The following HSPA4 variants were observed in gnomAD, a reference collection of about 807,000 sequenced individuals.
HSPA4 encodes the protein heat shock protein family A (Hsp70) member 4, also known as heat shock 70 kDa protein 4.
HSPA4 carries 25 observed loss-of-function variants against 106.2 expected under a neutral mutation model. That is an observed-to-expected ratio of 0.24 (90% CI 0.17 to 0.33). HSPA4 has a LOEUF of 0.33. HSPA4 is among the 10% of genes least tolerant of loss of function. HSPA4 has a pLI of 1.00. For synonymous variants in HSPA4, 332 were observed against 333.6 expected, an observed-to-expected ratio of 1.00 and a Z score of 0.05; for missense variants, 841 against 996.0, an observed-to-expected ratio of 0.84 and a Z score of 2.10.
intron 7 of HSPA4, among the ~76,000 whole-genome samples, chr5:133,080,081 T>G (rs1581473354): frequency 6.6e-6 from 1 of 152,132 alleles, no homozygotes; most frequent in South Asian, 2.1e-4. Flanking sequence ...TCACTTGTTC[T>G]TTTTGCTTAG....
At chr5:133,065,711 T>G (rs1344186331) in intron 2 of HSPA4, among the ~76,000 whole-genome samples, 3 of 152,146 alleles carry the variant, frequency 2.0e-5, no homozygotes, top group Non-Finnish European at 4.4e-5. Context: ...AACAAGTTTC[T>G]CAAGGAAGGA....
At chr5:133,063,639 G>A (rs1457186851) in intron 1 of HSPA4, among the ~76,000 whole-genome samples, 1 of 151,988 alleles carries the variant, frequency 6.6e-6, no homozygotes, top group East Asian at 1.9e-4. Context: ...GATCATGTGG[G>A]CGTGGCTGGT....
chr5:133,060,255 C>T (rs543776111), intron 1 of HSPA4, among the ~76,000 whole-genome samples: 1 of 151,962 alleles, frequency 6.6e-6, no homozygotes, highest in Non-Finnish European at 1.5e-5. Flanking sequence ...GACCTATGTT[C>T]TAGTGCTAGC....
At chr5:133,101,729 C>T (rs201813041) in intron 16 of HSPA4, 30 bp from the exon 17 acceptor site, 319 of 1,597,080 alleles carry the variant, frequency 2.0e-4, no homozygotes, top group African/African-American at 2.6e-4. Flanking sequence ...GTTGAACTGC[C>T]GTATGAAGAC....
rs1410253023 is a variant in HSPA4 at position 133,088,451 on chromosome 5, A to G, written c.1033A>G (p.Thr345Ala). ...IYAVEIVGGA[T>A]RIPAVKEKIS... ...TGCAGTGGAGATAGTTGGTGGTGCT[A>G]CACGAATCCCTGCGGTAAAAGAGAA... The change falls in exon 9 of 19, where the codon ACA (threonine) becomes GCA (alanine). Residue 345 changes from threonine (T) to alanine (A), a missense_variant. By Grantham distance (58) the Thr-to-Ala change is moderately conservative. Transcript: ENST00000304858. 6.2e-7 allele frequency: 1 copy of G among 1,612,618 alleles called. No homozygotes were observed. The highest frequency in any genetic ancestry group is 1.3e-5 in the African/African-American group (1 of 74,898).
At chr5:133,093,001 T>G (rs893686587) in intron 13 of HSPA4, among the ~76,000 whole-genome samples, 1 of 141,628 alleles carries the variant, frequency 7.1e-6, no homozygotes, top group Non-Finnish European at 1.5e-5. Context: ...TTTTTTTTTT[T>G]GTATTTTTTA....
At chr5:133,093,577 G>A (rs1188039304) in intron 13 of HSPA4, among the ~76,000 whole-genome samples, 3 of 151,734 alleles carry the variant, frequency 2.0e-5, no homozygotes, top group Non-Finnish European at 4.4e-5. Context: ...TGCAGCCCCC[G>A]CCTTCCAGGT....
chr5:133,074,221 A>G, intron 6 of HSPA4, 95 bp downstream of exon 6: 1 of 733,654 alleles, frequency 1.4e-6, no homozygotes, highest in South Asian at 2.0e-5. Context: ...AATATGGGAG[A>G]AACAATGCAT....
At position 133,103,940 on chromosome 5, in the gene HSPA4, A is replaced by G. The variant is rs749924563; in HGVS notation, c.2233A>G (p.Met745Val). The change falls in exon 18 of 19, where the codon ATG (methionine) becomes GTG (valine). Residue 745 changes from methionine (M) to valine (V), a missense_variant. By Grantham distance (21) the Met-to-Val change is conservative. This residue lies in a region of HSPA4 where 328 missense variants were observed against 372.2 expected (regional missense o/e 0.88). Transcript: ENST00000304858. Reference sequence around the variant, plus strand: ...AAGCACAAATGAAGCAATGGAGTGGATGAATAACAAGCTAAATCTGCAGAA... The same window carrying G: ...AAGCACAAATGAAGCAATGGAGTGGGTGAATAACAAGCTAAATCTGCAGAA... ...EKSTNEAMEW[M>V]NNKLNLQNKQ... 3.1e-6 allele frequency: 5 copies of G among 1,613,918 alleles called. No homozygotes were observed. The highest frequency in any genetic ancestry group is 2.7e-5 in the African/African-American group (2 of 74,920).
In HSPA4 at chr5:133,106,102, ATTTTTTTTTTTTTTTTTTTTTT is replaced by A. The variant is rs70974072; in HGVS notation, c.*1683_*1704del. 5.2e-5 allele frequency: 3 copies of A among 57,162 alleles called. No individual in the cohort carries two copies. The highest frequency in any genetic ancestry group is 2.7e-4 in the Admixed American group (1 of 3,708). The allele number at this position is 57,162 out of a possible 1,614,324, so 3.5% of individuals were successfully genotyped here. A position where few individuals can be genotyped will look rare whatever the true frequency, so the allele number is the denominator to read the frequency against. The stretch of plus-strand genomic sequence containing the variant: ...GCCATTTCTTCTTAAAAAAAAAAAA[ATTTTTTTTTTTTTTTTTTTTTT>A]TTTTTTTTTTTTTTTTGGTGTGTGT... On this transcript the variant is annotated 3_prime_UTR_variant, in exon 19 of 19. Coordinates refer to ENST00000304858, the MANE Select transcript of HSPA4 (RefSeq NM_002154.4).
chr5:133,069,753 T>C (rs1021008471), intron 3 of HSPA4, among the ~76,000 whole-genome samples: 1 of 152,182 alleles, frequency 6.6e-6, no homozygotes, highest in Non-Finnish European at 1.5e-5. Context: ...GCAGCCTCTT[T>C]ATGGAGGGAC....
intron 1 of HSPA4, among the ~76,000 whole-genome samples, chr5:133,064,612 A>G (rs980019191): frequency 6.6e-6 from 1 of 152,198 alleles, no homozygotes; most frequent in South Asian, 2.1e-4. Flanking sequence ...ATTCTTGGTG[A>G]AGTTGTGAGC....
intron 7 of HSPA4, among the ~76,000 whole-genome samples, chr5:133,079,318 C>A (rs1393611980): frequency 1.3e-5 from 2 of 152,154 alleles, no homozygotes; most frequent in Non-Finnish European, 2.9e-5. Context: ...CCTCTGGTCC[C>A]TGGTGATCAA....
intron 4 of HSPA4, among the ~76,000 whole-genome samples, chr5:133,072,305 G>A (rs778823685): frequency 6.6e-6 from 1 of 151,918 alleles, no homozygotes; most frequent in Non-Finnish European, 1.5e-5. Flanking sequence ...CCCAGAGTCA[G>A]CCTGTGCTTA....
Position 133,097,284 on chromosome 5 carries a change from G to A in HSPA4, c.1927G>A (p.Asp643Asn), listed in dbSNP as rs181955709. The stretch of plus-strand genomic sequence containing the variant: ...TGAATATGAGAAGTTTGTGAGTGAA[G>A]ATGTAAGTCTGCCACAATATGCCTA... ...SGEYEKFVSE[D>N]DRNSFTLKLE... The change falls in exon 15 of 19, where the codon GAT becomes AAT. Residue 643 changes from aspartate to asparagine, a missense_variant and splice_region_variant. This residue lies in a region of HSPA4 where 328 missense variants were observed against 372.2 expected (regional missense o/e 0.88). Coordinates refer to ENST00000304858, the MANE Select transcript of HSPA4 (RefSeq NM_002154.4). 1 of 1,612,252 alleles carries A rather than the reference G, an allele frequency of 6.2e-7. No homozygotes were observed. Among genetic ancestry groups the A allele is most frequent in the African/African-American group, 1.3e-5 (1 of 74,874 alleles).
In HSPA4 at chr5:133,067,404, T is replaced by A; in HGVS notation, c.166-13T>A. On this transcript the variant is annotated splice_polypyrimidine_tract_variant and intron_variant, in intron 2 of 18. Transcript: ENST00000304858. The stretch of plus-strand genomic sequence containing the variant: ...GTAGTAGTCTTTCCACTCTTTGATA[T>A]TCTTTCTCTTAGGTAATTTCTAATG... The A allele has an allele frequency of 6.3e-7, 1 of 1,599,956 alleles. No homozygotes were observed. The highest frequency in any genetic ancestry group is 1.3e-5 in the African/African-American group (1 of 74,422).
intron 1 of HSPA4, among the ~76,000 whole-genome samples, chr5:133,061,418 G>C (rs1454199192): frequency 7.2e-6 from 1 of 139,630 alleles, no homozygotes; most frequent in Non-Finnish European, 1.6e-5. Context: ...CACCGCGCCC[G>C]GCCGTGTTTT....
intron 8 of HSPA4, among the ~76,000 whole-genome samples, chr5:133,087,508 T>TA: frequency 6.6e-6 from 1 of 152,366 alleles, no homozygotes; most frequent in Middle Eastern, 3.4e-3. Context: ...GGTTGTTAGA[T>TA]AAAATGTGAC....
At chr5:133,077,579 G>A (rs1765461189) in intron 7 of HSPA4, among the ~76,000 whole-genome samples, 1 of 152,140 alleles carries the variant, frequency 6.6e-6, no homozygotes, top group Non-Finnish European at 1.5e-5. Context: ...ACTTGAGGGT[G>A]ACAGCTCTTT....
Sources: allele counts gnomAD v4.1 joint callset (sites outside exome capture counted in the v4.1 genomes callset), GRCh38; gene constraint gnomAD v4.1.1; regional missense constraint gnomAD v4.1.1; transcripts MANE v1.5; gene names NCBI Gene and HGNC (gene_info 2026-07-23, HGNC 2026-07-21).